ERAP1: variants seen among roughly 807,000 people sequenced by gnomAD.
ERAP1 encodes adipocyte-derived leucine aminopeptidase.
A neutral mutation model predicts 103.7 loss-of-function variants in ERAP1; 86 were observed. The ratio of observed to expected loss-of-function variants is 0.83; its 90% CI spans 0.70 to 0.99. The LOEUF (loss-of-function observed/expected upper bound fraction) is 0.99. ERAP1 is among the 50% of genes least tolerant of loss of function. The pLI is 0.00. For synonymous variants in ERAP1, 398 were observed against 402.4 expected, an observed-to-expected ratio of 0.99 and a Z score of 0.13; for missense variants, 1,009 against 1,128.4, an observed-to-expected ratio of 0.89 and a Z score of 1.52.
At chr5:96,928,515 G>C in the ERAP1 span, among the ~76,000 whole-genome samples, 1 of 152,282 alleles carries the variant, frequency 6.6e-6, no homozygotes, top group East Asian at 1.9e-4. Flanking sequence ...CACAAGCCTA[G>C]GGACTATTAG....
chr5:96,803,686 TC>T lies in ERAP1; in HGVS notation c.240del (p.Val82Ter). On this transcript the variant is annotated frameshift_variant, in exon 2 of 19. Transcript: ENST00000443439. LOFTEE classifies it high-confidence loss of function. ...NLTTLTFWGT[T>X]KVEITASQPT... ...GGCTGACTGGCTGTGATTTCTACTT[TC>T]GTGGTTCCCCAGAAGGTCAGCGTGG... 1 of 1,614,212 alleles carries T rather than the reference TC, an allele frequency of 6.2e-7. No homozygotes were observed. The highest frequency in any genetic ancestry group is 8.5e-7 in the Non-Finnish European group (1 of 1,180,042).
the ERAP1 span, among the ~76,000 whole-genome samples, chr5:96,887,658 T>C: frequency 6.6e-6 from 1 of 152,254 alleles, no homozygotes; most frequent in Non-Finnish European, 1.5e-5. Flanking sequence ...TTATAATTTT[T>C]AGAGTCTTCG....
the ERAP1 span, among the ~76,000 whole-genome samples, chr5:96,836,176 G>GTTTTTTTTTTTTTTTTTTTTTT: frequency 7.5e-5 from 8 of 106,650 alleles, no homozygotes; most frequent in Non-Finnish European, 1.3e-4. Flanking sequence ...CACCTCTTTG[G>GTTTTTTTTTTTTTTTTTTTTTT]TTTTTTTTTT....
the ERAP1 span, among the ~76,000 whole-genome samples, chr5:96,886,316 A>G: frequency 9.5e-3 from 1,439 of 152,194 alleles, 45 homozygotes; most frequent in South Asian, 0.082. Context: ...ACTTAAAAGC[A>G]CAGAAGTTGA....
chr5:96,901,513 T>G, the ERAP1 span: 1 of 1,613,356 alleles, frequency 6.2e-7, no homozygotes, highest in Non-Finnish European at 8.5e-7. Context: ...CAGCTCGCCT[T>G]TCTGGGGGAA....
intron 14 of ERAP1, 37 bp downstream of exon 14, chr5:96,783,886 CA>C (rs745953862): frequency 7.9e-6 from 12 of 1,522,582 alleles, no homozygotes; most frequent in Non-Finnish European, 9.9e-6. Context: ...CTTTTTAACA[CA>C]AATAATAATT....
chr5:96,835,727 G>A, the ERAP1 span, among the ~76,000 whole-genome samples: 1 of 152,166 alleles, frequency 6.6e-6, no homozygotes, highest in Admixed American at 6.5e-5. Flanking sequence ...CAAAAAGCCA[G>A]CAGTACGAAG....
the ERAP1 span, among the ~76,000 whole-genome samples, chr5:96,908,377 G>A: frequency 6.6e-6 from 1 of 152,172 alleles, no homozygotes; most frequent in South Asian, 2.1e-4. Context: ...CTTCTCACTA[G>A]AAGAAAACGT....
In ERAP1 at chr5:96,774,865, A is replaced by G; in HGVS notation, c.*1531T>C. On this transcript the variant is annotated 3_prime_UTR_variant, in exon 19 of 19. Coordinates refer to ENST00000443439, the MANE Select transcript of ERAP1 (RefSeq NM_001040458.3). ...TAATAAATGGCAGATTTATGTCCAG[A>G]AGTCACTCTATTTTGTCGTGTATTA... 1.0e-6 allele frequency: 1 copy of G among 985,544 alleles called. No homozygotes were observed. The highest frequency in any genetic ancestry group is 1.2e-6 in the Non-Finnish European group (1 of 829,886). The allele number at this position is 985,544 out of a possible 1,614,324, so 61.0% of individuals were successfully genotyped here.
At chr5:96,782,008 AT>A (rs68114531) in intron 15 of ERAP1, among the ~76,000 whole-genome samples, 154 bp from the exon 16 acceptor site, 29,731 of 133,538 alleles carry the variant, frequency 0.22, 3,072 homozygotes, top group East Asian at 0.25. Flanking sequence ...TTCAGTTACA[AT>A]TTTTTTTTTT....
chr5:96,872,545 G>A, the ERAP1 span, among the ~76,000 whole-genome samples: 1 of 152,114 alleles, frequency 6.6e-6, no homozygotes, highest in Non-Finnish European at 1.5e-5. Flanking sequence ...GCTCCAATAA[G>A]CTGTAATTGT....
chr5:96,846,661 T>C, the ERAP1 span, among the ~76,000 whole-genome samples: 1 of 152,136 alleles, frequency 6.6e-6, no homozygotes, highest in Non-Finnish European at 1.5e-5. Context: ...GGTCTGGGGA[T>C]CACATATGAG....
the ERAP1 span, chr5:96,912,909 G>A: frequency 1.2e-6 from 1 of 823,982 alleles, no homozygotes; most frequent in East Asian, 2.9e-5. Context: ...GAATCAGAAT[G>A]TGTATGGCTT....
chr5:96,786,567 T>A lies in ERAP1; in HGVS notation c.1680-18A>T. On this transcript the variant is annotated intron_variant, in intron 11 of 18. Coordinates refer to ENST00000443439, the MANE Select transcript of ERAP1 (RefSeq NM_001040458.3). The stretch of plus-strand genomic sequence containing the variant: ...ACAGGTACCTAAAATAAAGGAGAGG[T>A]GGATTGTTCATTTGTTGATTCAATT... The A allele has an allele frequency of 4.0e-6, 6 of 1,505,142 alleles. No homozygotes were observed. Among genetic ancestry groups the A allele is most frequent in the Non-Finnish European group, 5.6e-6 (6 of 1,080,334 alleles). The allele number at this position is 1,505,142 out of a possible 1,614,324, so 93.2% of individuals were successfully genotyped here.
chr5:96,935,826 C>T, the ERAP1 span: 3 of 346,192 alleles, frequency 8.7e-6, no homozygotes, highest in Middle Eastern at 8.4e-4. Flanking sequence ...ACACCGTTCC[C>T]GGCCGGGGAG....
intron 19 of ERAP1, chr5:96,767,881 G>A: frequency 6.7e-7 from 1 of 1,496,712 alleles, no homozygotes; most frequent in East Asian, 2.3e-5. Flanking sequence ...CTTCTTCACT[G>A]ATGGTTATTT....
the ERAP1 span, among the ~76,000 whole-genome samples, chr5:96,891,058 T>C: frequency 1.3e-5 from 2 of 152,210 alleles, no homozygotes; most frequent in Admixed American, 1.3e-4. Context: ...ACATTTGAAG[T>C]GCTAACGAAT....
At chr5:96,787,229 T>C (rs570770537) in intron 11 of ERAP1, among the ~76,000 whole-genome samples, 1 of 152,336 alleles carries the variant, frequency 6.6e-6, no homozygotes, top group African/African-American at 2.4e-5. Context: ...TTGATAATTG[T>C]ACTGTGGCTA....
the ERAP1 span, among the ~76,000 whole-genome samples, chr5:96,822,150 G>A: frequency 6.6e-6 from 1 of 152,150 alleles, no homozygotes; most frequent in Non-Finnish European, 1.5e-5. Context: ...GGTATCTTGA[G>A]CCTTTCCCTT....
Sources: gnomAD v4.1 joint callset for allele counts (sites outside exome capture counted in the v4.1 genomes callset) on GRCh38, gnomAD v4.1.1 for gene constraint, MANE v1.5 for transcripts, NCBI Gene and HGNC (gene_info 2026-07-23, HGNC 2026-07-21) for gene names.